Variants in RNF19A observed in about 807,000 individuals in gnomAD.
The protein encoded by RNF19A is ring finger protein 19A, RBR E3 ubiquitin protein ligase, also known as E3 ubiquitin-protein ligase RNF19A.
In RNF19A, 32 loss-of-function variants were observed where a neutral mutation model predicts 75.7. The ratio of observed to expected loss-of-function variants is 0.42; its 90% confidence interval spans 0.32 to 0.57. The LOEUF (loss-of-function observed/expected upper bound fraction) is 0.57. Ranked by LOEUF, RNF19A falls within the 20% of genes least tolerant of loss-of-function variation. The pLI is 0.10. For synonymous variants in RNF19A, 335 were observed against 345.2 expected, an observed-to-expected ratio of 0.97 and a Z score of 0.33; for missense variants, 782 against 1,036.3, an observed-to-expected ratio of 0.75 and a Z score of 3.37.
Position 100,259,345 on chromosome 8 carries a change from T to TA in RNF19A, c.1827-100dup. 1.1e-6 allele frequency: 1 copy of TA among 929,528 alleles called. No homozygotes were observed. Among genetic ancestry groups the TA allele is most frequent in the Non-Finnish European group, 1.6e-6 (1 of 613,636 alleles). 57.6% of individuals were successfully genotyped at this position (929,528 alleles called of 1,614,324 possible). A position where few individuals can be genotyped will look rare whatever the true frequency, so the allele number is the denominator to read the frequency against. On this transcript the variant is annotated intron_variant, in intron 9 of 9. Coordinates refer to ENST00000341084, the MANE Select transcript of RNF19A (RefSeq NM_183419.4). This position sits in a 1 kb window ranked among gnomAD's most constrained non-coding sequence, Gnocchi z 4.5. ...CTATGTGGAAAATTCAGACTATATA[T>TA]AAGCTATGAGAACACCTTAACGCAG... is the stretch of plus-strand genomic sequence containing the variant.
intron 5 of RNF19A, among the ~76,000 whole-genome samples, chr8:100,268,079 T>A (rs73696625): frequency 0.058 from 8,779 of 151,976 alleles, 844 homozygotes; most frequent in African/African-American, 0.2. Context: ...ATTTTTTTGA[T>A]CTTCTTGGAT....
intron 2 of RNF19A, among the ~76,000 whole-genome samples, chr8:100,276,723 CAAAAAAAAAAAAAAAAAAAA>C (rs889539350): frequency 5.0e-5 from 4 of 80,596 alleles, no homozygotes; most frequent in African/African-American, 8.0e-5. Context: ...ACCACTGTAC[CAAAAAAAAAAAAAAAAAAAA>C]GAAAAAAAGG....
Position 100,331,552 on chromosome 8 carries a change from G to C in RNF19A, c.-243+4556C>G, listed in dbSNP as rs1192336657. ...CTCGGGAGGCTGAGGCAGGAGGATT[G>C]CTTGAGCCCAGGATGTCAAAGCTGC... is the stretch of plus-strand genomic sequence containing the variant. On this transcript the variant is annotated intron_variant, in intron 1 of 3. Transcript: ENST00000519527. This position sits in a 1 kb window ranked among gnomAD's most constrained non-coding sequence, Gnocchi z 5.2. 1.3e-5 allele frequency among the ~76,000 whole-genome samples: 2 copies of C among 152,134 alleles called. No individual in the cohort carries two copies. The highest frequency in any genetic ancestry group is 2.9e-5 in the Non-Finnish European group (2 of 68,012).
rs540842337 is a variant in RNF19A, at chr8:100,294,804, C to T, written c.-93-6537G>A. The stretch of plus-strand genomic sequence containing the variant: ...AAATTTTAGCCTACTTATGCATCCA[C>T]GATCTCCACAATATAACTGCTTACT... On this transcript the variant is annotated intron_variant, in intron 1 of 9. Coordinates refer to ENST00000341084, the MANE Select transcript of RNF19A (RefSeq NM_183419.4). Among the ~76,000 whole-genome samples the T allele has an allele frequency of 4.4e-4, 67 of 152,034 alleles. 1 individual carries two copies. The South Asian group carries it at 0.012, about 28-fold the overall frequency.
chr8:100,260,109 A>T lies in RNF19A; in HGVS notation c.1683-112T>A. ...CTAGTAACCAGAAGCTATTTTAGGA[A>T]CCATTATTTTTTATTTCCTTTTATT... On this transcript the variant is annotated intron_variant, in intron 8 of 9. Transcript: ENST00000341084. This position sits in a 1 kb window ranked among gnomAD's most constrained non-coding sequence, Gnocchi z 4.1. The T allele has an allele frequency of 1.1e-6, 1 of 928,132 alleles. No homozygotes were observed. Among genetic ancestry groups the T allele is most frequent in the Non-Finnish European group, 1.7e-6 (1 of 604,504 alleles). 57.5% of individuals were successfully genotyped at this position (928,132 alleles called of 1,614,324 possible).
chr8:100,282,942 C>T (rs1435881734), intron 2 of RNF19A, among the ~76,000 whole-genome samples: 1 of 151,844 alleles, frequency 6.6e-6, no homozygotes, highest in Non-Finnish European at 1.5e-5. Flanking sequence ...TACACAAAGC[C>T]AATTATAGTT....
intron 1 of RNF19A, chr8:100,303,522 G>A (rs968637686): frequency 1.3e-5 from 2 of 152,064 alleles, no homozygotes; most frequent in Non-Finnish European, 2.9e-5. Flanking sequence ...CTTTTGTGGG[G>A]TTACCATGCA....
intron 5 of RNF19A, 188 bp downstream of exon 5, chr8:100,268,597 G>A (rs1346868092): frequency 2.8e-5 from 11 of 386,414 alleles, no homozygotes; most frequent in Non-Finnish European, 5.0e-5. Context: ...TGCTTTATAC[G>A]TATTTATATA....
chr8:100,272,000 A>T (rs1291875771), intron 3 of RNF19A, among the ~76,000 whole-genome samples: 1 of 152,148 alleles, frequency 6.6e-6, no homozygotes, highest in African/African-American at 2.4e-5. Flanking sequence ...CTGCTAAAAT[A>T]TGGGCCATTG....
chr8:100,297,398 A>T (rs1821617457), intron 1 of RNF19A, among the ~76,000 whole-genome samples: 2 of 152,198 alleles, frequency 1.3e-5, no homozygotes, highest in East Asian at 3.8e-4. Flanking sequence ...TGGGGAAAAT[A>T]CTATTGTGGC....
chr8:100,289,860 G>T (rs556092227), intron 1 of RNF19A, among the ~76,000 whole-genome samples: 33 of 152,236 alleles, frequency 2.2e-4, no homozygotes, highest in African/African-American at 7.9e-4. Flanking sequence ...AATAGCATTA[G>T]TAATAATATT....
Position 100,271,091 on chromosome 8 carries a change from A to G in RNF19A, c.884-1078T>C, listed in dbSNP as rs532722566. 6.6e-5 allele frequency among the ~76,000 whole-genome samples: 10 copies of G among 151,974 alleles called. No individual in the cohort carries two copies. In the South Asian group the frequency reaches 1.9e-3, roughly 28 times the overall value. On this transcript the variant is annotated intron_variant, in intron 3 of 9. Transcript: ENST00000341084. ...ATTCTTTCTACAAGTTTTATGGTCA[A>G]ACTTTACCTGTGCTTTATCAGTTAA...
intron 3 of RNF19A, among the ~76,000 whole-genome samples, chr8:100,271,541 G>A (rs1820255644): frequency 6.6e-6 from 1 of 152,150 alleles, no homozygotes; most frequent in Admixed American, 6.5e-5. Flanking sequence ...TCAAGCTTTG[G>A]TAATGATGCA....
intron 3 of RNF19A, among the ~76,000 whole-genome samples, chr8:100,271,462 G>A (rs764385384): frequency 1.1e-4 from 17 of 152,160 alleles, no homozygotes; most frequent in Non-Finnish European, 1.8e-4. Context: ...CATGTTAATC[G>A]ATAAACTTTC....
chr8:100,264,845 A>AGC lies in RNF19A; in HGVS notation c.1192-61_1192-60insGC. 2.4e-6 allele frequency: 3 copies of AGC among 1,246,332 alleles called. No individual in the cohort carries two copies. Among genetic ancestry groups the AGC allele is most frequent in the South Asian group, 1.2e-5 (1 of 81,390 alleles). The allele number at this position is 1,246,332 out of a possible 1,614,324, so 77.2% of individuals were successfully genotyped here. A position where few individuals can be genotyped will look rare whatever the true frequency, so the allele number is the denominator to read the frequency against. On this transcript the variant is annotated intron_variant, in intron 5 of 9. Coordinates refer to ENST00000341084, the MANE Select transcript of RNF19A (RefSeq NM_183419.4). The surrounding 1 kb of genome is among the most constrained non-coding windows in gnomAD (Gnocchi z 4.7). ...GAGAAAATACATTACAATTTAACTT[A>AGC]GTTGAAAAAGATCTATACTTGCTAA...
upstream of RNF19A, among the ~76,000 whole-genome samples, chr8:100,310,812 TA>T (rs1822275256): frequency 6.6e-6 from 1 of 152,228 alleles, no homozygotes; most frequent in Non-Finnish European, 1.5e-5. Context: ...ATTTCATCTC[TA>T]ATACATTCCT....
chr8:100,261,681 A>G lies in RNF19A; in HGVS notation c.1543T>C (p.Leu515=). Reference sequence around the variant, plus strand: ...TCCATGTGGCTTCCACTTGCACTCAAACTGCCAGTCAGCCCACCAACACTT... The same window carrying G: ...TCCATGTGGCTTCCACTTGCACTCAGACTGCCAGTCAGCCCACCAACACTT... ...EGSVGGLTGS[L]SASGSHMDRI... Residue 515 remains leucine, a synonymous_variant, in exon 8 of 10, where the codon TTG becomes CTG. Transcript: ENST00000341084. The surrounding 1 kb of genome is among the most constrained non-coding windows in gnomAD (Gnocchi z 4.4). 2 of 1,614,064 alleles carry G rather than the reference A, an allele frequency of 1.2e-6. No individual in the cohort carries two copies. The highest frequency in any genetic ancestry group is 2.2e-5 in the South Asian group (2 of 91,064).
upstream of RNF19A, among the ~76,000 whole-genome samples, chr8:100,310,874 C>T (rs1183123950): frequency 6.7e-6 from 1 of 150,296 alleles, no homozygotes. Context: ...TCTTTTCAGC[C>T]AGTCATATCC....
At position 100,259,309 on chromosome 8, in the gene RNF19A, G is replaced by A. The variant is rs1226844930; in HGVS notation, c.1827-63C>T. On this transcript the variant is annotated intron_variant, in intron 9 of 9. Transcript: ENST00000341084. This position sits in a 1 kb window ranked among gnomAD's most constrained non-coding sequence, Gnocchi z 4.5. ...GACTTCTTTTTGTTCAGATGACTGG[G>A]GGAAGGGTTTCTATGTGGAAAATTC... is the stretch of plus-strand genomic sequence containing the variant. 4 of 1,362,064 alleles carry A rather than the reference G, an allele frequency of 2.9e-6. No homozygotes were observed. Among genetic ancestry groups the A allele is most frequent in the African/African-American group, 1.4e-5 (1 of 69,346 alleles). 84.4% of individuals were successfully genotyped at this position (1,362,064 alleles called of 1,614,324 possible).
Sources: allele counts gnomAD v4.1 joint callset (sites outside exome capture counted in the v4.1 genomes callset), GRCh38; gene constraint gnomAD v4.1.1; non-coding constraint Gnocchi (gnomAD v3.1); transcripts MANE v1.5; gene names NCBI Gene and HGNC (gene_info 2026-07-23, HGNC 2026-07-21).